LAMB1: variants seen among roughly 807,000 people sequenced by gnomAD.
The protein encoded by LAMB1 is laminin subunit beta 1, also known as laminin subunit beta-1.
LAMB1 carries 121 observed loss-of-function variants against 222.3 expected under a neutral mutation model. That is an observed-to-expected ratio of 0.54 (90% CI 0.47 to 0.63). The LOEUF is 0.63. Among genes scored for constraint, LAMB1 ranks in the 30% least tolerant of loss-of-function variants. The pLI is 0.00. For missense variants in LAMB1, 2,172 were observed against 2,240.8 expected (o/e 0.97, Z 0.62); for synonymous variants, 794 against 807.2 (o/e 0.98, Z 0.28).
At position 107,926,116 on chromosome 7, in the gene LAMB1, G is replaced by A. The variant is rs781178439; in HGVS notation, c.5064+67C>T. 90 of 1,252,672 alleles carry A rather than the reference G, an allele frequency of 7.2e-5. No individual in the cohort carries two copies. In the Middle Eastern group the frequency reaches 8.1e-4, roughly 11 times the overall value. 77.6% of individuals were successfully genotyped at this position (1,252,672 alleles called of 1,614,324 possible). A position where few individuals can be genotyped will look rare whatever the true frequency, so the allele number is the denominator to read the frequency against. Reference sequence around the variant, plus strand: ...GTTAGGTCCATGTCCCTTACTCTAAGGCAGGCAAGGAGGAGACTGGTGGCT... The same window carrying A: ...GTTAGGTCCATGTCCCTTACTCTAAAGCAGGCAAGGAGGAGACTGGTGGCT... On this transcript the variant is annotated intron_variant, in intron 32 of 33. Coordinates refer to ENST00000222399, the MANE Select transcript of LAMB1 (RefSeq NM_002291.3).
chr7:107,932,868 C>T (rs1007452383), intron 27 of LAMB1, among the ~76,000 whole-genome samples: 1 of 152,068 alleles, frequency 6.6e-6, no homozygotes, highest in South Asian at 2.1e-4. Context: ...TGGATCATTC[C>T]ACATAAAATA....
intron 25 of LAMB1, among the ~76,000 whole-genome samples, chr7:107,937,927 T>A (rs2032886341): frequency 6.6e-6 from 1 of 152,248 alleles, no homozygotes; most frequent in South Asian, 2.1e-4. Flanking sequence ...AACTGCATTT[T>A]GTTCTGTACT....
intron 2 of LAMB1, chr7:108,002,476 C>A: frequency 1.6e-6 from 2 of 1,225,992 alleles, no homozygotes; most frequent in African/African-American, 3.1e-5. Flanking sequence ...AGCTCAGGCA[C>A]TCTCCTGGGC....
At chr7:108,001,460 T>C in intron 3 of LAMB1, 98 bp downstream of exon 3, 2 of 1,335,124 alleles carry the variant, frequency 1.5e-6, no homozygotes, top group Admixed American at 2.8e-5. Flanking sequence ...GCTTCCTATC[T>C]GGATTGCTGG....
chr7:107,980,086 T>C (rs1323036323), intron 8 of LAMB1, among the ~76,000 whole-genome samples: 1 of 152,020 alleles, frequency 6.6e-6, no homozygotes, highest in African/African-American at 2.4e-5. Context: ...TGTGGGCCTA[T>C]AATCCCAGGT....
intron 24 of LAMB1, among the ~76,000 whole-genome samples, chr7:107,944,800 C>CA: frequency 6.6e-6 from 1 of 152,204 alleles, no homozygotes; most frequent in Non-Finnish European, 1.5e-5. Flanking sequence ...AGTAAAACTT[C>CA]ATGGACACTA....
chr7:107,964,280 A>G (rs544643137), intron 14 of LAMB1, among the ~76,000 whole-genome samples: 53 of 152,356 alleles, frequency 3.5e-4, no homozygotes, highest in Non-Finnish European at 6.3e-4. Context: ...ACTTTGGAGC[A>G]TAAGTAGAGA....
Position 107,955,516 on chromosome 7 carries a change from T to G in LAMB1, c.2805A>C (p.Gln935His). The G allele has an allele frequency of 3.1e-6, 5 of 1,614,138 alleles. No individual in the cohort carries two copies. Among genetic ancestry groups the G allele is most frequent in the Non-Finnish European group, 4.2e-6 (5 of 1,180,012 alleles). ...SGRQFARSCY[Q>H]DPVTLQLACV... ...AGGCAAGCTGTAAAGTAACAGGATC[T>G]TGGTAGCAGCTCCTGGCAAACTGGC... is the stretch of plus-strand genomic sequence containing the variant. Residue 935 changes from glutamine (Q) to histidine (H), a missense_variant, in exon 21 of 34, where the codon CAA (glutamine) becomes CAC (histidine). By Grantham distance (24) the Gln-to-His change is conservative. Transcript: ENST00000222399.
chr7:107,980,362 T>G (rs866986754), intron 8 of LAMB1, among the ~76,000 whole-genome samples: 19 of 152,214 alleles, frequency 1.2e-4, no homozygotes, highest in African/African-American at 4.6e-4. Context: ...ACTTTAGCAA[T>G]AGCCTGAAGC....
chr7:107,994,544 G>T (rs6963842), intron 5 of LAMB1, among the ~76,000 whole-genome samples: 76,959 of 151,910 alleles, frequency 0.51, 19,848 homozygotes, highest in African/African-American at 0.6. Context: ...TATTAAAACA[G>T]AAACACAAGG....
chr7:107,952,154 G>A lies in LAMB1; in HGVS notation c.3149C>T (p.Ala1050Val). The A allele has an allele frequency of 6.2e-7, 1 of 1,613,634 alleles. No homozygotes were observed. The highest frequency in any genetic ancestry group is 1.7e-5 in the Admixed American group (1 of 59,996). ...AGGAAGACACAAGCACTGACCAGTG[G>A]CTTTGTCGCACTGGCAGTCAGAGCC... ...CNGSDCQCDKATGQCLCLPNV... is the reference protein window; with the variant it reads ...CNGSDCQCDKVTGQCLCLPNV... The change falls in exon 23 of 34, where the codon GCC (alanine) becomes GTC (valine). Residue 1050 changes from alanine to valine, a missense_variant. Physicochemically the swap from Ala to Val is moderately conservative, Grantham distance 64. Coordinates refer to ENST00000222399, the MANE Select transcript of LAMB1 (RefSeq NM_002291.3).
intron 5 of LAMB1, among the ~76,000 whole-genome samples, chr7:107,991,420 T>C (rs914161243): frequency 2.6e-5 from 4 of 152,034 alleles, no homozygotes; most frequent in Admixed American, 2.6e-4. Flanking sequence ...AAGCCCCGTC[T>C]CTACTAAAAA....
rs2034419060 is a variant in LAMB1, at chr7:108,002,929, A to G, written c.-44T>C. The G allele has an allele frequency of 6.8e-6, 11 of 1,610,264 alleles. No individual in the cohort carries two copies. Among genetic ancestry groups the G allele is most frequent in the Non-Finnish European group, 9.3e-6 (11 of 1,179,182 alleles). On this transcript the variant is annotated 5_prime_UTR_variant, in exon 2 of 34. Coordinates refer to ENST00000222399, the MANE Select transcript of LAMB1 (RefSeq NM_002291.3). ...CGGGGACGCGGCAGAGGAGTGGAGAAGACGCCCGCCGAGCCGCCTGCCCTT... is the reference window on the plus strand; with the variant it reads ...CGGGGACGCGGCAGAGGAGTGGAGAGGACGCCCGCCGAGCCGCCTGCCCTT...
At chr7:107,977,931 A>G (rs1360905610) in intron 9 of LAMB1, 116 bp downstream of exon 9, 8 of 1,176,550 alleles carry the variant, frequency 6.8e-6, no homozygotes, top group African/African-American at 4.6e-5. Flanking sequence ...GAAGCTGGAA[A>G]AAAGACAGTA....
chr7:107,955,702 A>T, intron 20 of LAMB1, 72 bp from the exon 21 acceptor site: 1 of 1,413,914 alleles, frequency 7.1e-7, no homozygotes, highest in Admixed American at 2.3e-5. Context: ...GAAAGTCTTG[A>T]AAACTGTTCT....
chr7:108,002,211 G>A (rs2150458985), intron 2 of LAMB1: 1 of 1,357,298 alleles, frequency 7.4e-7, no homozygotes, highest in Non-Finnish European at 9.7e-7. Flanking sequence ...CTTGGGAAGC[G>A]AGAGTGCGTG....
chr7:107,928,964 T>G, intron 31 of LAMB1, 100 bp downstream of exon 31: 3 of 1,129,544 alleles, frequency 2.7e-6, no homozygotes, highest in Non-Finnish European at 4.0e-6. Flanking sequence ...TCCTTTAATG[T>G]TGAGTTGTAA....
chr7:108,001,594 G>C lies in LAMB1; in HGVS notation c.177C>G (p.His59Gln). Reference sequence around the variant, plus strand: ...TGACGATACAGTAGGGTTCGGGCTTGTGCAGCCCGCACGTCGAGGTCACCG... The same window carrying C: ...TGACGATACAGTAGGGTTCGGGCTTCTGCAGCCCGCACGTCGAGGTCACCG... ...KLSVTSTCGL[H>Q]KPEPYCIVSH... The change falls in exon 3 of 34, where the codon CAC becomes CAG. Residue 59 changes from histidine (H) to glutamine (Q), a missense_variant. By Grantham distance (24) the His-to-Gln change is conservative. Transcript: ENST00000222399. The C allele has an allele frequency of 1.9e-6, 3 of 1,612,718 alleles. No homozygotes were observed. Among genetic ancestry groups the C allele is most frequent in the Non-Finnish European group, 1.7e-6 (2 of 1,179,638 alleles).
At chr7:107,950,225 G>A (rs560504688) in intron 24 of LAMB1, among the ~76,000 whole-genome samples, 7 of 150,052 alleles carry the variant, frequency 4.7e-5, no homozygotes, top group Non-Finnish European at 3.0e-5. Context: ...GCGAGACTCC[G>A]TCTCAAAAAA....
Sources: gnomAD v4.1 joint callset for allele counts (sites outside exome capture counted in the v4.1 genomes callset) on GRCh38, gnomAD v4.1.1 for gene constraint, MANE v1.5 for transcripts, NCBI Gene and HGNC (gene_info 2026-07-23, HGNC 2026-07-21) for gene names.